DAB1: variants seen among roughly 807,000 people sequenced by gnomAD.
DAB1 encodes the protein DAB adaptor protein 1.
Under a neutral mutation model 64.6 loss-of-function variants are expected in DAB1, and 15 were observed. The ratio of observed to expected loss-of-function variants is 0.23; its 90% CI spans 0.16 to 0.36. The LOEUF (loss-of-function observed/expected upper bound fraction) is 0.36. Ranked by LOEUF, DAB1 falls within the 10% of genes least tolerant of loss-of-function variation. The probability of loss-of-function intolerance (pLI) is 1.00; values close to 1 mark genes in which losing one functional copy is unlikely to be tolerated. For missense variants in DAB1, 596 were observed against 706.7 expected, an observed-to-expected ratio of 0.84 and a Z score of 1.78; for synonymous variants, 235 against 251.9, an observed-to-expected ratio of 0.93 and a Z score of 0.64.
At chr1:57,265,018 CTGAAT>C (rs1408740025) in intron 2 of DAB1, among the ~76,000 whole-genome samples, 2 of 152,116 alleles carry the variant, frequency 1.3e-5, no homozygotes, top group Non-Finnish European at 2.9e-5. Flanking sequence ...TTGAATTTAC[CTGAAT>C]TTCATTTTGC....
chr1:57,737,883 C>T (rs754151214), intron 6 of DAB1, among the ~76,000 whole-genome samples: 1 of 152,188 alleles, frequency 6.6e-6, no homozygotes, highest in Non-Finnish European at 1.5e-5. Flanking sequence ...CAAACATCTG[C>T]CCCCCTCTGC....
At chr1:57,147,321 C>T (rs961722519) in intron 2 of DAB1, among the ~76,000 whole-genome samples, 1 of 151,290 alleles carries the variant, frequency 6.6e-6, no homozygotes, top group African/African-American at 2.4e-5. Flanking sequence ...TATTATAAGC[C>T]CAGTAAAAGA....
intron 1 of DAB1, among the ~76,000 whole-genome samples, chr1:57,315,597 G>C (rs1570254951): frequency 6.6e-6 from 1 of 152,116 alleles, no homozygotes; most frequent in Admixed American, 6.5e-5. Flanking sequence ...TTTCCTCCCA[G>C]GTTCATGCCA....
At chr1:57,559,994 T>C (rs1419431825) in intron 7 of DAB1, among the ~76,000 whole-genome samples, 2 of 152,236 alleles carry the variant, frequency 1.3e-5, no homozygotes, top group African/African-American at 4.8e-5. Flanking sequence ...CAGTGGATTA[T>C]TGTAAGCTTA....
intron 4 of DAB1, among the ~76,000 whole-genome samples, chr1:58,214,512 T>C (rs1570493075): frequency 3.3e-5 from 5 of 151,152 alleles, no homozygotes; most frequent in Admixed American, 3.3e-4. Context: ...AAAGAGGGAG[T>C]GGTCCCCTAT....
chr1:57,411,275 G>T (rs1467597500), intron 1 of DAB1, among the ~76,000 whole-genome samples: 1 of 152,194 alleles, frequency 6.6e-6, no homozygotes, highest in Non-Finnish European at 1.5e-5. Flanking sequence ...AAGAGCACTG[G>T]TTTGGGTGCA....
At chr1:57,714,972 C>A (rs1647067998) in intron 6 of DAB1, among the ~76,000 whole-genome samples, 1 of 152,108 alleles carries the variant, frequency 6.6e-6, no homozygotes, top group African/African-American at 2.4e-5. Flanking sequence ...CAAGGACACA[C>A]ACCAAAAAGA....
intron 4 of DAB1, among the ~76,000 whole-genome samples, chr1:57,121,291 A>G (rs1656639149): frequency 6.6e-6 from 1 of 152,000 alleles, no homozygotes; most frequent in Non-Finnish European, 1.5e-5. Flanking sequence ...TTGCTATCCA[A>G]TGGCTTTCAC....
chr1:57,820,392 A>T (rs1652063436), intron 6 of DAB1, among the ~76,000 whole-genome samples: 1 of 152,180 alleles, frequency 6.6e-6, no homozygotes, highest in South Asian at 2.1e-4. Context: ...GTCCAAGAAG[A>T]TTTAAATTAA....
At chr1:58,533,011 G>A (rs1364957229) in intron 1 of DAB1, among the ~76,000 whole-genome samples, 1 of 152,146 alleles carries the variant, frequency 6.6e-6, no homozygotes, top group Non-Finnish European at 1.5e-5. Flanking sequence ...AATGTTACTT[G>A]TATTTCTGAT....
intron 7 of DAB1, among the ~76,000 whole-genome samples, chr1:57,634,698 G>T (rs1447451993): frequency 6.6e-6 from 1 of 152,186 alleles, no homozygotes; most frequent in Non-Finnish European, 1.5e-5. Flanking sequence ...TGTTTTAGGT[G>T]CCAGCAATAT....
chr1:57,611,974 T>A (rs1351609650), intron 7 of DAB1, among the ~76,000 whole-genome samples: 1 of 152,182 alleles, frequency 6.6e-6, no homozygotes, highest in Non-Finnish European at 1.5e-5. Context: ...CTTTGCTTTT[T>A]CAACACATTA....
chr1:57,153,804 A>AT (rs915789263), intron 2 of DAB1, among the ~76,000 whole-genome samples: 7 of 151,714 alleles, frequency 4.6e-5, no homozygotes, highest in Admixed American at 2.0e-4. Flanking sequence ...CACCTGGCTA[A>AT]TTTTTTTGTA....
chr1:58,117,028 T>G (rs1652379539), intron 5 of DAB1, among the ~76,000 whole-genome samples: 1 of 152,216 alleles, frequency 6.6e-6, no homozygotes, highest in African/African-American at 2.4e-5. Flanking sequence ...GTGTCAATGC[T>G]GGCATACTCA....
intron 6 of DAB1, among the ~76,000 whole-genome samples, chr1:57,677,066 G>T (rs1646576498): frequency 6.6e-6 from 1 of 152,122 alleles, no homozygotes; most frequent in Non-Finnish European, 1.5e-5. Flanking sequence ...TTTGATAGGA[G>T]ATAGGAACAG....
At chr1:58,149,181 C>T (rs1654781453) in intron 5 of DAB1, among the ~76,000 whole-genome samples, 1 of 152,122 alleles carries the variant, frequency 6.6e-6, no homozygotes, top group African/African-American at 2.4e-5. Flanking sequence ...TCTCTCTGAT[C>T]AGCAGATAGT....
chr1:57,701,611 T>C (rs1379262414), intron 6 of DAB1, among the ~76,000 whole-genome samples: 6 of 151,840 alleles, frequency 4.0e-5, no homozygotes, highest in Non-Finnish European at 8.8e-5. Flanking sequence ...AGTTAATGGG[T>C]GCAGCACACC....
chr1:57,405,054 T>A (rs1683524103), intron 1 of DAB1, among the ~76,000 whole-genome samples: 1 of 152,194 alleles, frequency 6.6e-6, no homozygotes, highest in Non-Finnish European at 1.5e-5. Flanking sequence ...CAATCTTAAA[T>A]GAGAAAGCCA....
At chr1:57,600,376 G>C (rs1321178903) in intron 7 of DAB1, among the ~76,000 whole-genome samples, 1 of 152,060 alleles carries the variant, frequency 6.6e-6, no homozygotes, top group Non-Finnish European at 1.5e-5. Context: ...AAGACAAATG[G>C]GCTTGTCCCA....
Sources: gnomAD v4.1 joint callset for allele counts (sites outside exome capture counted in the v4.1 genomes callset) on GRCh38, gnomAD v4.1.1 for gene constraint, MANE v1.5 for transcripts, NCBI Gene and HGNC (gene_info 2026-07-23, HGNC 2026-07-21) for gene names.